The following SSH2 variants were observed in gnomAD, a reference collection of about 807,000 sequenced individuals.
SSH2 encodes slingshot protein phosphatase 2, also known as protein phosphatase Slingshot homolog 2.
SSH2 carries 37 observed loss-of-function variants against 135.2 expected under a neutral mutation model. The ratio of observed to expected loss-of-function variants is 0.27; its 90% CI spans 0.21 to 0.36. SSH2 has a LOEUF of 0.36. SSH2 is among the 10% of genes least tolerant of loss of function. SSH2 has a pLI of 1.00. For synonymous variants in SSH2, 628 were observed against 646.2 expected (o/e 0.97, Z 0.43); for missense variants, 1,408 against 1,765.3 (o/e 0.80, Z 3.63).
intron 3 of SSH2, chr17:29,716,307 G>T: frequency 9.2e-6 from 4 of 433,842 alleles, no homozygotes; most frequent in Admixed American, 3.4e-5. Context: ...TTTCTCTTTG[G>T]CTTCTTTTTC....
intron 4 of SSH2, 51 bp downstream of exon 4, chr17:29,702,908 T>G: frequency 7.4e-7 from 1 of 1,355,980 alleles, no homozygotes; most frequent in Non-Finnish European, 1.1e-6. Flanking sequence ...TTTTAGAATG[T>G]AACAAAAGAT....
At chr17:29,739,869 A>C (rs982473822) in intron 3 of SSH2, among the ~76,000 whole-genome samples, 2 of 152,234 alleles carry the variant, frequency 1.3e-5, no homozygotes, top group Admixed American at 1.3e-4. Flanking sequence ...AGAAATCTCC[A>C]ATACATCACA....
intron 3 of SSH2, among the ~76,000 whole-genome samples, chr17:29,741,468 A>G (rs924521681): frequency 1.6e-4 from 24 of 152,234 alleles, no homozygotes; most frequent in African/African-American, 5.8e-4. Context: ...ATCGGATTGA[A>G]TATGAATCAG....
intron 3 of SSH2, among the ~76,000 whole-genome samples, chr17:29,747,048 T>C (rs2040786206): frequency 6.6e-6 from 1 of 152,196 alleles, no homozygotes; most frequent in Admixed American, 6.5e-5. Context: ...CATGTAAATT[T>C]TGATGGATAA....
intron 3 of SSH2, among the ~76,000 whole-genome samples, chr17:29,723,242 A>G (rs1216212956): frequency 6.6e-6 from 1 of 152,250 alleles, no homozygotes; most frequent in Non-Finnish European, 1.5e-5. Context: ...AATAAAAAAA[A>G]GCTTATCATG....
intron 1 of SSH2, among the ~76,000 whole-genome samples, chr17:29,883,610 T>A (rs1353690910): frequency 2.6e-5 from 4 of 152,334 alleles, no homozygotes; most frequent in Admixed American, 2.6e-4. Flanking sequence ...GGTAATGTCA[T>A]CCTGTATAGT....
intron 3 of SSH2, among the ~76,000 whole-genome samples, chr17:29,713,821 TCA>T (rs1225211751): frequency 1.3e-5 from 2 of 152,144 alleles, no homozygotes; most frequent in African/African-American, 4.8e-5. Context: ...AGGCTCAGTC[TCA>T]GTCTTGCCTC....
chr17:29,761,887 AT>A (rs1157073718), intron 3 of SSH2, among the ~76,000 whole-genome samples: 4 of 143,602 alleles, frequency 2.8e-5, no homozygotes, highest in African/African-American at 1.1e-4. Context: ...ATATATATAT[AT>A]TTTTTTTTGA....
chr17:29,864,479 C>T (rs1392701752), intron 1 of SSH2, among the ~76,000 whole-genome samples: 1 of 151,426 alleles, frequency 6.6e-6, no homozygotes, highest in East Asian at 1.9e-4. Flanking sequence ...AATATCTCTC[C>T]TTGTCTTTCT....
At chr17:29,682,340 C>G (rs1306398052) in intron 6 of SSH2, among the ~76,000 whole-genome samples, 1 of 152,156 alleles carries the variant, frequency 6.6e-6, no homozygotes, top group Non-Finnish European at 1.5e-5. Flanking sequence ...TAGAACAGTG[C>G]TGTCCAACTG....
intron 2 of SSH2, among the ~76,000 whole-genome samples, chr17:29,818,960 C>T (rs1016681542): frequency 1.3e-5 from 2 of 152,004 alleles, no homozygotes; most frequent in African/African-American, 4.8e-5. Flanking sequence ...GGTGCAGTGG[C>T]TCACACCTGT....
At chr17:29,920,087 G>C (rs992768414) in intron 1 of SSH2, among the ~76,000 whole-genome samples, 8 of 152,078 alleles carry the variant, frequency 5.3e-5, no homozygotes, top group African/African-American at 1.9e-4. Context: ...TGTATTGTTA[G>C]TAGAGACAGG....
At chr17:29,783,115 A>G (rs1334385745) in intron 3 of SSH2, among the ~76,000 whole-genome samples, 1 of 151,882 alleles carries the variant, frequency 6.6e-6, no homozygotes, top group African/African-American at 2.4e-5. Flanking sequence ...AATCACAGGG[A>G]GTTGAAGCTG....
intron 1 of SSH2, among the ~76,000 whole-genome samples, chr17:29,925,715 A>T (rs890574104): frequency 3.5e-4 from 54 of 152,208 alleles, no homozygotes; most frequent in Non-Finnish European, 6.0e-4. Flanking sequence ...TAAAAAAAAA[A>T]AAATAAAGGA....
chr17:29,857,310 C>T (rs1418807374), intron 1 of SSH2, among the ~76,000 whole-genome samples: 1 of 152,130 alleles, frequency 6.6e-6, no homozygotes, highest in Non-Finnish European at 1.5e-5. Flanking sequence ...AAAGAGAGAG[C>T]TTGTGTGGGG....
chr17:29,700,414 C>T (rs960988591), intron 4 of SSH2, among the ~76,000 whole-genome samples: 3 of 152,172 alleles, frequency 2.0e-5, no homozygotes, highest in Admixed American at 1.3e-4. Flanking sequence ...CTCCCTAAGA[C>T]ACATTTTCTA....
Position 29,632,766 on chromosome 17 carries a change from T to A in SSH2, c.2428A>T (p.Asn810Tyr). The A allele has an allele frequency of 1.2e-6, 2 of 1,614,148 alleles. No individual in the cohort carries two copies. Among genetic ancestry groups the A allele is most frequent in the East Asian group, 4.5e-5 (2 of 44,888 alleles). Reference protein sequence around the residue: ...LPNPCHTPKKNSIHELLLERA... With the variant: ...LPNPCHTPKKYSIHELLLERA... ...TCAAGGAGCAGCTCATGGATGCTGT[T>A]CTTCTTTGGTGTATGGCATGGGTTG... Residue 810 changes from asparagine (N) to tyrosine (Y), a missense_variant, in exon 16 of 16, where the codon AAC becomes TAC. Physicochemically the swap from Asn to Tyr is moderately radical, Grantham distance 143 (BLOSUM62 -2). This residue lies in a region of SSH2 where 1,080 missense variants were observed against 1,144.5 expected (regional missense o/e 0.94). Coordinates refer to ENST00000540801, the MANE Select transcript of SSH2 (RefSeq NM_001282129.2).
intron 3 of SSH2, among the ~76,000 whole-genome samples, chr17:29,743,706 T>C (rs1567939006): frequency 6.6e-6 from 1 of 152,122 alleles, no homozygotes. Context: ...AAAGCAATAG[T>C]TTTTCATCTT....
At chr17:29,753,189 A>G (rs2041004102) in intron 3 of SSH2, among the ~76,000 whole-genome samples, 1 of 152,082 alleles carries the variant, frequency 6.6e-6, no homozygotes, top group South Asian at 2.1e-4. Context: ...GGAGTGCAAC[A>G]GCATGAACTT....
Sources: gnomAD v4.1 joint callset for allele counts (sites outside exome capture counted in the v4.1 genomes callset) on GRCh38, gnomAD v4.1.1 for gene constraint, gnomAD v4.1.1 regional missense constraint, MANE v1.5 for transcripts, NCBI Gene and HGNC (gene_info 2026-07-23, HGNC 2026-07-21) for gene names.